Variants in GRID2 observed in about 807,000 individuals in gnomAD.
The protein encoded by GRID2 is glutamate ionotropic receptor delta type subunit 2, also known as glutamate receptor ionotropic, delta-2.
In GRID2, 33 loss-of-function variants were observed where a neutral mutation model predicts 114.8. The observed-to-expected ratio is 0.29, with a 90% CI of 0.22 to 0.38. The LOEUF (loss-of-function observed/expected upper bound fraction) is 0.38. GRID2 is among the 10% of genes least tolerant of loss of function. The pLI, the probability that GRID2 is intolerant of heterozygous loss-of-function variation, is 1.00. For synonymous variants in GRID2, 505 were observed against 449.9 expected (o/e 1.12, Z -1.55); for missense variants, 1,184 against 1,257.7 (o/e 0.94, Z 0.89).
intron 2 of GRID2, among the ~76,000 whole-genome samples, chr4:92,876,778 G>A (rs1294781485): frequency 6.6e-6 from 1 of 152,186 alleles, no homozygotes; most frequent in Non-Finnish European, 1.5e-5. Flanking sequence ...AGGGAGGACA[G>A]GGTAGAGACT....
At chr4:93,250,990 CCT>C (rs1235802066) in intron 8 of GRID2, among the ~76,000 whole-genome samples, 1 of 151,782 alleles carries the variant, frequency 6.6e-6, no homozygotes, top group Non-Finnish European at 1.5e-5. Flanking sequence ...ACACATACCC[CCT>C]GTTAATGTAA....
intron 1 of GRID2, among the ~76,000 whole-genome samples, chr4:92,553,539 A>G (rs1726700551): frequency 6.6e-6 from 1 of 152,152 alleles, no homozygotes; most frequent in Non-Finnish European, 1.5e-5. Flanking sequence ...TATATATTTT[A>G]CATAAAATAT....
At chr4:92,856,897 AGT>A (rs1744218355) in intron 2 of GRID2, among the ~76,000 whole-genome samples, 2 of 152,140 alleles carry the variant, frequency 1.3e-5, no homozygotes, top group Admixed American at 1.3e-4. Context: ...CAAGTCTGTC[AGT>A]ACGTTTTAAC....
intron 2 of GRID2, among the ~76,000 whole-genome samples, chr4:92,946,578 AC>A (rs1553955406): frequency 6.6e-6 from 1 of 152,034 alleles, no homozygotes; most frequent in Non-Finnish European, 1.5e-5. Flanking sequence ...TGTTTGTACT[AC>A]TATGCAAACT....
Position 93,319,060 on chromosome 4 carries a change from G to A in GRID2, c.1246-76547G>A, listed in dbSNP as rs565521887. Among the ~76,000 whole-genome samples the A allele has an allele frequency of 1.9e-3, 283 of 152,212 alleles. 2 individuals are homozygous for A. The highest frequency in any genetic ancestry group is 6.6e-3 in the African/African-American group (276 of 41,536). ...TTTTAAGCTACCAGTGTGACAGTAT[G>A]TGGAGTTGGGTAGGGATGCTAATCA... On this transcript the variant is annotated intron_variant, in intron 8 of 15. Coordinates refer to ENST00000282020, the MANE Select transcript of GRID2 (RefSeq NM_001510.4).
intron 2 of GRID2, among the ~76,000 whole-genome samples, chr4:92,698,647 A>G (rs1734529469): frequency 6.6e-6 from 1 of 151,860 alleles, no homozygotes; most frequent in Admixed American, 6.6e-5. Flanking sequence ...TAAAAAAAAA[A>G]GAATGGAAAA....
intron 4 of GRID2, among the ~76,000 whole-genome samples, chr4:93,168,859 C>G (rs550524883): frequency 9.2e-5 from 14 of 152,116 alleles, no homozygotes; most frequent in African/African-American, 3.4e-4. Context: ...AAAATGTGGT[C>G]CATTTGTGCC....
intron 1 of GRID2, among the ~76,000 whole-genome samples, chr4:92,557,081 A>G (rs942999548): frequency 2.6e-5 from 4 of 152,212 alleles, no homozygotes; most frequent in African/African-American, 9.6e-5. Flanking sequence ...ACCACAAAAT[A>G]AAAGACTTGT....
intron 1 of GRID2, among the ~76,000 whole-genome samples, chr4:92,348,666 T>C (rs964914460): frequency 6.6e-6 from 1 of 152,162 alleles, no homozygotes; most frequent in Admixed American, 6.6e-5. Flanking sequence ...TCATAATGCA[T>C]TGCAAAGGAT....
chr4:93,496,001 G>T (rs1727496922), intron 12 of GRID2, among the ~76,000 whole-genome samples: 1 of 151,544 alleles, frequency 6.6e-6, no homozygotes, highest in South Asian at 2.1e-4. Flanking sequence ...TTGCAGAAAA[G>T]TTGCATCTCA....
At chr4:92,919,129 T>G (rs1749079055) in intron 2 of GRID2, among the ~76,000 whole-genome samples, 1 of 152,198 alleles carries the variant, frequency 6.6e-6, no homozygotes, top group Non-Finnish European at 1.5e-5. Flanking sequence ...ATTTTCTAGT[T>G]TATTTGTGTA....
chr4:93,482,195 C>T (rs528986754), intron 11 of GRID2, among the ~76,000 whole-genome samples: 3 of 152,040 alleles, frequency 2.0e-5, no homozygotes, highest in South Asian at 4.2e-4. Flanking sequence ...TGGGTATATA[C>T]CCAAAGGATT....
chr4:92,527,022 A>G (rs1410312621), intron 1 of GRID2, among the ~76,000 whole-genome samples: 1 of 152,020 alleles, frequency 6.6e-6, no homozygotes, highest in Non-Finnish European at 1.5e-5. Context: ...TGGTTTTGCT[A>G]GGTGAGTGTT....
chr4:93,333,987 T>C (rs1317235845), intron 8 of GRID2, among the ~76,000 whole-genome samples: 2 of 152,174 alleles, frequency 1.3e-5, no homozygotes, highest in African/African-American at 4.8e-5. Flanking sequence ...TGATAGCTAG[T>C]ACAATAGATG....
intron 14 of GRID2, among the ~76,000 whole-genome samples, chr4:93,650,601 G>T (rs1420711443): frequency 6.6e-6 from 1 of 152,170 alleles, no homozygotes; most frequent in African/African-American, 2.4e-5. Context: ...CCCAGTGCTT[G>T]TATAGTGGTG....
intron 2 of GRID2, among the ~76,000 whole-genome samples, chr4:92,656,620 G>A (rs188590716): frequency 2.2e-4 from 33 of 151,772 alleles, no homozygotes; most frequent in Admixed American, 3.9e-4. Flanking sequence ...TCTAATCATA[G>A]AAAGTAGTTC....
At chr4:93,666,843 A>T (rs1723990756) in intron 14 of GRID2, among the ~76,000 whole-genome samples, 1 of 152,120 alleles carries the variant, frequency 6.6e-6, no homozygotes, top group Non-Finnish European at 1.5e-5. Flanking sequence ...ACTTTAGAAA[A>T]TGAACCTACA....
chr4:92,410,835 A>ATTTTT (rs5860274), intron 1 of GRID2, among the ~76,000 whole-genome samples: 6 of 117,874 alleles, frequency 5.1e-5, no homozygotes, highest in African/African-American at 9.7e-5. Context: ...CTGCAAAAGC[A>ATTTTT]TTTTTTTTTT....
Position 92,855,718 on chromosome 4 carries a change from A to G in GRID2, c.245-229277A>G, listed in dbSNP as rs866473549. ...AGGATTTTTATTAAACTTAACACAC[A>G]CCTTTTTAGTCTTAAGAACTGATTA... On this transcript the variant is annotated intron_variant, in intron 2 of 15. Coordinates refer to ENST00000282020, the MANE Select transcript of GRID2 (RefSeq NM_001510.4). 4.6e-5 allele frequency among the ~76,000 whole-genome samples: 7 copies of G among 152,122 alleles called. 1 individual carries two copies. The South Asian group carries it at 1.5e-3, about 32-fold the overall frequency.
Sources: allele counts gnomAD v4.1 joint callset (sites outside exome capture counted in the v4.1 genomes callset), GRCh38; gene constraint gnomAD v4.1.1; transcripts MANE v1.5; gene names NCBI Gene and HGNC (gene_info 2026-07-23, HGNC 2026-07-21).